Variants in GALNT13 observed in about 807,000 individuals in gnomAD.
GALNT13 encodes the protein polypeptide N-acetylgalactosaminyltransferase 13.
GALNT13 carries 28 observed loss-of-function variants against 64.2 expected under a neutral mutation model. The observed-to-expected ratio is 0.44, with a 90% confidence interval of 0.32 to 0.60. The LOEUF (loss-of-function observed/expected upper bound fraction) is 0.60. Among genes scored for constraint, GALNT13 ranks in the 20% least tolerant of loss-of-function variants. The pLI, the probability that GALNT13 is intolerant of heterozygous loss-of-function variation, is 0.05. For synonymous variants in GALNT13, 214 were observed against 224.6 expected (o/e 0.95, Z 0.42); for missense variants, 577 against 669.8 (o/e 0.86, Z 1.53).
the GALNT13 span, among the ~76,000 whole-genome samples, chr2:153,542,454 C>T: frequency 2.6e-5 from 4 of 151,916 alleles, no homozygotes. Flanking sequence ...GTTCTGAATA[C>T]AGCTTGAGCA....
At chr2:153,256,285 A>C in the GALNT13 span, among the ~76,000 whole-genome samples, 41 of 151,880 alleles carry the variant, frequency 2.7e-4, no homozygotes, top group African/African-American at 8.9e-4. Context: ...TGCATTCTTC[A>C]CGTAGTTCTC....
the GALNT13 span, among the ~76,000 whole-genome samples, chr2:153,739,962 T>C: frequency 6.6e-6 from 1 of 151,864 alleles, no homozygotes; most frequent in Non-Finnish European, 1.5e-5. Context: ...GTACTTGGAG[T>C]TTTATTTGTG....
At chr2:153,312,668 C>T in the GALNT13 span, among the ~76,000 whole-genome samples, 1 of 152,076 alleles carries the variant, frequency 6.6e-6, no homozygotes, top group African/African-American at 2.4e-5. Flanking sequence ...ATCAGCAAAT[C>T]CAACAAAAAG....
intron 3 of GALNT13, among the ~76,000 whole-genome samples, chr2:154,036,354 T>C (rs1363203669): frequency 6.6e-6 from 1 of 152,100 alleles, no homozygotes; most frequent in Admixed American, 6.6e-5. Flanking sequence ...GCAGATACTA[T>C]CACAGTAAAT....
At chr2:153,069,960 G>C in the GALNT13 span, among the ~76,000 whole-genome samples, 2 of 152,182 alleles carry the variant, frequency 1.3e-5, no homozygotes, top group Admixed American at 1.3e-4. Flanking sequence ...TAGGGAAGCT[G>C]TATACTAACT....
chr2:154,233,615 A>G (rs1053123842), intron 4 of GALNT13, among the ~76,000 whole-genome samples: 1 of 152,180 alleles, frequency 6.6e-6, no homozygotes, highest in Non-Finnish European at 1.5e-5. Context: ...GATCCATATA[A>G]AACACACAGC....
chr2:153,389,584 G>T, the GALNT13 span, among the ~76,000 whole-genome samples: 35 of 152,150 alleles, frequency 2.3e-4, no homozygotes, highest in East Asian at 4.5e-3. Context: ...ATTAACATTG[G>T]GAAATCTTTA....
intron 3 of GALNT13, among the ~76,000 whole-genome samples, chr2:154,056,175 C>G (rs1468053375): frequency 6.6e-6 from 1 of 151,848 alleles, no homozygotes; most frequent in Non-Finnish European, 1.5e-5. Flanking sequence ...TTATTTTTTT[C>G]TGGGTAAAAG....
the GALNT13 span, among the ~76,000 whole-genome samples, chr2:153,773,716 C>T: frequency 6.6e-6 from 1 of 152,028 alleles, no homozygotes; most frequent in South Asian, 2.1e-4. Flanking sequence ...ATAAGAATAT[C>T]TGATATAGTT....
chr2:154,409,080 C>A lies in GALNT13; in HGVS notation c.1393C>A (p.Gln465Lys). ...CAACTGTCATGGTATGGGAGGAAAT[C>A]AGGTAAACTCTCCCTTTTTATCAGC... ...IFNCHGMGGNQVFSYTADKEI... is the reference protein window; with the variant it reads ...IFNCHGMGGNKVFSYTADKEI... The change falls in exon 11 of 13, where the codon CAG becomes AAG. Residue 465 changes from glutamine to lysine, a missense_variant and splice_region_variant. This residue lies in a region of GALNT13 where 232 missense variants were observed against 270.6 expected (regional missense o/e 0.86). Transcript: ENST00000392825. 1 of 1,577,444 alleles carries A rather than the reference C, an allele frequency of 6.3e-7. No homozygotes were observed.
the GALNT13 span, among the ~76,000 whole-genome samples, chr2:153,552,623 G>C: frequency 6.9e-6 from 1 of 143,896 alleles, no homozygotes; most frequent in African/African-American, 2.7e-5. Context: ...GGAATCAAAG[G>C]CATCATTGAC....
At chr2:153,432,256 C>T in the GALNT13 span, among the ~76,000 whole-genome samples, 2 of 152,072 alleles carry the variant, frequency 1.3e-5, no homozygotes, top group Non-Finnish European at 2.9e-5. Context: ...GGATAGTATT[C>T]CAAAGACTGT....
chr2:153,937,970 T>C (rs1471882790), intron 2 of GALNT13, among the ~76,000 whole-genome samples: 2 of 152,184 alleles, frequency 1.3e-5, no homozygotes, highest in African/African-American at 2.4e-5. Flanking sequence ...ACATATGTAA[T>C]TATTGTCAAA....
the GALNT13 span, among the ~76,000 whole-genome samples, chr2:153,204,917 A>C: frequency 6.6e-6 from 1 of 152,158 alleles, no homozygotes; most frequent in African/African-American, 2.4e-5. Context: ...TTATTTAACT[A>C]CTGTATCTTG....
At chr2:154,241,005 C>T (rs1689454293) in intron 4 of GALNT13, among the ~76,000 whole-genome samples, 1 of 152,164 alleles carries the variant, frequency 6.6e-6, no homozygotes. Flanking sequence ...GGCTTGCTGG[C>T]TTGCCGGTGC....
intron 3 of GALNT13, among the ~76,000 whole-genome samples, chr2:154,061,296 C>G (rs532462190): frequency 5.1e-4 from 77 of 152,222 alleles, no homozygotes; most frequent in East Asian, 3.9e-3. Flanking sequence ...AATTGCAATG[C>G]GTTGGCTGTA....
intron 3 of GALNT13, among the ~76,000 whole-genome samples, chr2:153,986,281 T>C (rs1255500147): frequency 6.6e-6 from 1 of 151,964 alleles, no homozygotes; most frequent in Non-Finnish European, 1.5e-5. Flanking sequence ...GACTTCTAAA[T>C]CAGAGGAAAA....
At chr2:153,558,260 C>T in the GALNT13 span, among the ~76,000 whole-genome samples, 1 of 152,212 alleles carries the variant, frequency 6.6e-6, no homozygotes, top group Admixed American at 6.5e-5. Flanking sequence ...AGATACCTAA[C>T]AAGCATCTGC....
chr2:153,850,377 CT>C, the GALNT13 span, among the ~76,000 whole-genome samples: 3 of 152,062 alleles, frequency 2.0e-5, no homozygotes, highest in African/African-American at 7.2e-5. Flanking sequence ...TTGTTCCTGC[CT>C]ATTGAAGCCT....
Sources: allele counts gnomAD v4.1 joint callset (sites outside exome capture counted in the v4.1 genomes callset), GRCh38; gene constraint gnomAD v4.1.1; regional missense constraint gnomAD v4.1.1; transcripts MANE v1.5; gene names NCBI Gene and HGNC (gene_info 2026-07-23, HGNC 2026-07-21).